Variants in XPO6 observed in about 807,000 individuals in gnomAD.
XPO6 encodes exportin 6, also known as exportin-6.
Under a neutral mutation model 130.0 loss-of-function variants are expected in XPO6, and 3 were observed. The ratio of observed to expected loss-of-function variants is 0.02; its 90% CI spans 0.01 to 0.06. The LOEUF is 0.06. Ranked by LOEUF, XPO6 falls within the 10% of genes least tolerant of loss-of-function variation. XPO6 has a pLI of 1.00. For synonymous variants in XPO6, 524 were observed against 548.9 expected, an observed-to-expected ratio of 0.95 and a Z score of 0.63; for missense variants, 970 against 1,393.0, an observed-to-expected ratio of 0.70 and a Z score of 4.83.
At chr16:28,209,953 G>A (rs530472860) in intron 1 of XPO6, among the ~76,000 whole-genome samples, 21 of 152,080 alleles carry the variant, frequency 1.4e-4, no homozygotes, top group African/African-American at 4.8e-4. Flanking sequence ...CCTGGGGAAC[G>A]TGGTGAGACC....
chr16:28,189,850 C>A (rs998571835), intron 1 of XPO6, among the ~76,000 whole-genome samples: 1 of 152,250 alleles, frequency 6.6e-6, no homozygotes, highest in Non-Finnish European at 1.5e-5. Flanking sequence ...TTAAAAAGCA[C>A]TTTTCTGCTT....
intron 1 of XPO6, among the ~76,000 whole-genome samples, chr16:28,197,297 T>C (rs1384537744): frequency 6.6e-6 from 1 of 152,114 alleles, no homozygotes; most frequent in Non-Finnish European, 1.5e-5. Context: ...GAAAAGTAAC[T>C]AACTTACGAC....
chr16:28,148,595 G>T (rs2043026044), intron 8 of XPO6, among the ~76,000 whole-genome samples: 1 of 152,130 alleles, frequency 6.6e-6, no homozygotes, highest in African/African-American at 2.4e-5. Flanking sequence ...GTTTTCATTT[G>T]CATTGGTCTA....
At chr16:28,118,285 A>C (rs2087124043) in intron 14 of XPO6, among the ~76,000 whole-genome samples, 3 of 152,128 alleles carry the variant, frequency 2.0e-5, no homozygotes, top group African/African-American at 7.2e-5. Flanking sequence ...TTTTCTCCTC[A>C]TTAGTTGGCA....
chr16:28,134,244 C>T (rs1302586795), intron 10 of XPO6, among the ~76,000 whole-genome samples: 2 of 152,194 alleles, frequency 1.3e-5, no homozygotes, highest in African/African-American at 2.4e-5. Flanking sequence ...CCTTCTGACA[C>T]GGTCCACTAC....
intron 12 of XPO6, chr16:28,126,796 C>T (rs559301203): frequency 6.6e-6 from 1 of 152,170 alleles, no homozygotes; most frequent in Non-Finnish European, 1.5e-5. Context: ...TGATTCAAGT[C>T]CTTCTCACTG....
chr16:28,209,649 A>AC (rs1356465659), intron 1 of XPO6, among the ~76,000 whole-genome samples: 1 of 151,856 alleles, frequency 6.6e-6, no homozygotes, highest in African/African-American at 2.4e-5. Flanking sequence ...TCAAAAAAAA[A>AC]AAAAAAAAAA....
chr16:28,119,431 T>C lies in XPO6; in HGVS notation c.1860-1969A>G, dbSNP rs2087168809. Among the ~76,000 whole-genome samples the C allele has an allele frequency of 3.9e-5, 6 of 152,286 alleles. No individual in the cohort carries two copies. The South Asian group carries it at 1.2e-3, about 32-fold the overall frequency. ...GCACATCATTGCCTATGTAGTAACCTTGCTAAAAATGTTTAAACTGAATCT... is the reference window on the plus strand; with the variant it reads ...GCACATCATTGCCTATGTAGTAACCCTGCTAAAAATGTTTAAACTGAATCT... On this transcript the variant is annotated intron_variant, in intron 14 of 23. Transcript: ENST00000304658.
chr16:28,166,613 A>G (rs1360939294), intron 5 of XPO6, 28 bp from the exon 6 acceptor site: 2 of 1,559,934 alleles, frequency 1.3e-6, no homozygotes, highest in Admixed American at 3.8e-5. Context: ...ACAGAGTTAT[A>G]AGAGAAATAA....
intron 1 of XPO6, among the ~76,000 whole-genome samples, chr16:28,195,843 C>G (rs530501377): frequency 5.9e-5 from 9 of 152,316 alleles, no homozygotes; most frequent in Non-Finnish European, 1.0e-4. Context: ...AAATACCACT[C>G]TTGCTCTTAA....
intron 1 of XPO6, among the ~76,000 whole-genome samples, chr16:28,202,560 A>AG (rs1232415688): frequency 2.0e-5 from 3 of 152,194 alleles, no homozygotes; most frequent in South Asian, 4.1e-4. Flanking sequence ...GTCTGGAAGC[A>AG]GGGGGGCGCT....
intron 1 of XPO6, among the ~76,000 whole-genome samples, chr16:28,200,533 G>A (rs2043938713): frequency 6.6e-6 from 1 of 151,168 alleles, no homozygotes; most frequent in South Asian, 2.1e-4. Flanking sequence ...CCAGGCTGGG[G>A]TGCAGTGAGC....
At chr16:28,182,107 T>C (rs2043626068) in intron 1 of XPO6, among the ~76,000 whole-genome samples, 1 of 152,222 alleles carries the variant, frequency 6.6e-6, no homozygotes, top group South Asian at 2.1e-4. Flanking sequence ...GTTGTGATTA[T>C]TTAATTATCT....
At chr16:28,172,417 A>ATGT (rs1279290830) in intron 4 of XPO6, among the ~76,000 whole-genome samples, 2 of 152,248 alleles carry the variant, frequency 1.3e-5, no homozygotes, top group East Asian at 3.9e-4. Context: ...AGAAACAGCA[A>ATGT]TTCTCTCCTA....
chr16:28,203,071 C>A (rs530538837), intron 1 of XPO6, among the ~76,000 whole-genome samples: 65 of 152,236 alleles, frequency 4.3e-4, no homozygotes, highest in African/African-American at 1.5e-3. Flanking sequence ...AGCCCAGCAG[C>A]TCAAGGCCAG....
chr16:28,178,764 C>CAAAAAAAAAA (rs139329056), intron 2 of XPO6, among the ~76,000 whole-genome samples: 4 of 138,398 alleles, frequency 2.9e-5, no homozygotes, highest in Admixed American at 7.2e-5. Context: ...CAAAACAAAA[C>CAAAAAAAAAA]AAAAAAAAAA....
At position 28,148,079 on chromosome 16, in the gene XPO6, G is replaced by A. The variant is rs149983148; in HGVS notation, c.1225-1876C>T. ...CAATCACCAAGGTTATCCCTCCTTG[G>A]TTCAAAACTATCCACTAGCCCCCTC... is the stretch of plus-strand genomic sequence containing the variant. On this transcript the variant is annotated intron_variant, in intron 8 of 23. Coordinates refer to ENST00000304658, the MANE Select transcript of XPO6 (RefSeq NM_015171.4). Among the ~76,000 whole-genome samples the A allele has an allele frequency of 1.7e-3, 259 of 152,278 alleles. 2 individuals are homozygous for A. The highest frequency in any genetic ancestry group is 5.5e-3 in the African/African-American group (228 of 41,570).
intron 12 of XPO6, among the ~76,000 whole-genome samples, chr16:28,126,346 A>G (rs1011623766): frequency 1.3e-5 from 2 of 152,164 alleles, no homozygotes; most frequent in Non-Finnish European, 2.9e-5. Context: ...CGCCCCTGCT[A>G]AGAGAGGAGA....
intron 2 of XPO6, among the ~76,000 whole-genome samples, chr16:28,180,094 C>T (rs946089066): frequency 5.3e-5 from 8 of 152,142 alleles, no homozygotes; most frequent in African/African-American, 7.2e-5. Flanking sequence ...TGGCCAGGCA[C>T]GGTGGCTCAC....
Sources: allele counts gnomAD v4.1 joint callset (sites outside exome capture counted in the v4.1 genomes callset), GRCh38; gene constraint gnomAD v4.1.1; transcripts MANE v1.5; gene names NCBI Gene and HGNC (gene_info 2026-07-23, HGNC 2026-07-21).